Variants in MEI1 observed in about 807,000 individuals in gnomAD.
MEI1 encodes meiosis inhibitor protein 1.
In MEI1, 103 loss-of-function variants were observed where a neutral mutation model predicts 146.2. That is an observed-to-expected ratio of 0.70 (90% confidence interval 0.60 to 0.83). The LOEUF is 0.83. Among genes scored for constraint, MEI1 ranks in the 40% least tolerant of loss-of-function variants. MEI1 has a pLI of 0.00. For synonymous variants in MEI1, 652 were observed against 628.2 expected (o/e 1.04, Z -0.57); for missense variants, 1,529 against 1,533.0 (o/e 1.00, Z 0.04).
At chr22:41,714,858 G>A (rs1007565261) in intron 4 of MEI1, among the ~76,000 whole-genome samples, 20 of 151,904 alleles carry the variant, frequency 1.3e-4, no homozygotes, top group Admixed American at 1.1e-3. Context: ...CCCAGCCTGG[G>A]TGACAAAGCA....
chr22:41,779,652 TTAGA>T (rs1193742599), intron 22 of MEI1, among the ~76,000 whole-genome samples: 1 of 152,168 alleles, frequency 6.6e-6, no homozygotes, highest in Non-Finnish European at 1.5e-5. Context: ...ACTTATCTAG[TTAGA>T]TAGAGAATGT....
At chr22:41,711,212 G>T (rs2069530398) in intron 3 of MEI1, among the ~76,000 whole-genome samples, 1 of 150,864 alleles carries the variant, frequency 6.6e-6, no homozygotes, top group African/African-American at 2.4e-5. Context: ...TCACTCTGTT[G>T]CCCAGGCTGG....
chr22:41,707,205 T>G (rs921485923), intron 3 of MEI1, among the ~76,000 whole-genome samples: 4 of 151,920 alleles, frequency 2.6e-5, no homozygotes, highest in African/African-American at 9.7e-5. Context: ...CCTGTCTCAA[T>G]TAAAAAAATA....
intron 12 of MEI1, 76 bp from the exon 13 acceptor site, chr22:41,744,897 C>G (rs2073172177): frequency 4.7e-6 from 4 of 842,518 alleles, no homozygotes; most frequent in Admixed American, 3.4e-5. Context: ...AAGAAGAGGT[C>G]TACAGTCATC....
chr22:41,774,485 T>G (rs543003175), intron 20 of MEI1: 1 of 152,298 alleles, frequency 6.6e-6, no homozygotes, highest in Admixed American at 6.5e-5. Flanking sequence ...AGCCTCATAC[T>G]CTGTAAAGTA....
rs534349016 is a variant in MEI1 at position 41,752,687 on chromosome 22, G to A, written c.1853+36G>A. On this transcript the variant is annotated intron_variant, in intron 16 of 30. Transcript: ENST00000401548. ...TCCCAGGCAAGATTGAGTGGCCAAG[G>A]GGCCAATGTCCCTCTTGATGGGACA... 108 of 1,551,456 alleles carry A rather than the reference G, an allele frequency of 7.0e-5. 1 individual carries two copies. The highest frequency in any genetic ancestry group is 6.2e-4 in the South Asian group (53 of 84,882).
At chr22:41,703,908 C>T (rs919266688) in intron 2 of MEI1, among the ~76,000 whole-genome samples, 1 of 152,150 alleles carries the variant, frequency 6.6e-6, no homozygotes, top group African/African-American at 2.4e-5. Flanking sequence ...ATTGCTTGAA[C>T]CCTGGAGGTG....
chr22:41,701,579 G>T (rs976936133), intron 1 of MEI1, among the ~76,000 whole-genome samples: 1 of 152,172 alleles, frequency 6.6e-6, no homozygotes, highest in African/African-American at 2.4e-5. Flanking sequence ...CTGGGAACTC[G>T]TAAACTAGCT....
At chr22:41,764,121 C>T (rs975806428) in intron 19 of MEI1, among the ~76,000 whole-genome samples, 4 of 152,012 alleles carry the variant, frequency 2.6e-5, no homozygotes, top group South Asian at 2.1e-4. Flanking sequence ...CCACCACACC[C>T]GGCTAATTTT....
rs970361437 is a variant in MEI1 at position 41,718,342 on chromosome 22, T to C, written c.733+68T>C. On this transcript the variant is annotated intron_variant, in intron 6 of 30. Transcript: ENST00000401548. Reference sequence around the variant, plus strand: ...ACATTTTGCTAGAAGACTTGAGATATTGGGTTCTCTAGTAGTGGGGAAGTT... The same window carrying C: ...ACATTTTGCTAGAAGACTTGAGATACTGGGTTCTCTAGTAGTGGGGAAGTT... 2.7e-5 allele frequency: 40 copies of C among 1,481,484 alleles called. No individual in the cohort carries two copies. In the Middle Eastern group the frequency reaches 5.3e-4, roughly 20 times the overall value. 91.8% of individuals were successfully genotyped at this position (1,481,484 alleles called of 1,614,324 possible).
intron 18 of MEI1, 86 bp from the exon 19 acceptor site, chr22:41,763,088 T>C: frequency 6.7e-7 from 1 of 1,482,624 alleles, no homozygotes. Flanking sequence ...GACAGTGGGC[T>C]GAGGAAGGAT....
At chr22:41,700,749 ATTTTTTTTTTTT>A (rs78862314) in intron 1 of MEI1, among the ~76,000 whole-genome samples, 5,468 of 117,650 alleles carry the variant, frequency 0.046, 547 homozygotes, top group Admixed American at 0.25. Flanking sequence ...GCAGTTCTCA[ATTTTTTTTTTTT>A]TTTTTTTTTT....
At chr22:41,758,656 G>T in intron 18 of MEI1, 123 bp downstream of exon 18, 2 of 1,003,896 alleles carry the variant, frequency 2.0e-6, no homozygotes. Context: ...GGATAAGTAA[G>T]AAATGGGTTG....
chr22:41,745,211 G>A (rs761312929), intron 13 of MEI1, 147 bp downstream of exon 13: 81 of 536,928 alleles, frequency 1.5e-4, no homozygotes, highest in Non-Finnish European at 2.1e-4. Context: ...AGGGGTTGGG[G>A]GTGTGTGGAG....
chr22:41,774,931 C>G (rs17377987), intron 20 of MEI1, among the ~76,000 whole-genome samples: 6,139 of 152,242 alleles, frequency 0.04, 171 homozygotes, highest in Non-Finnish European at 0.062. Context: ...GTGATCAGCA[C>G]ACCTGGGTTT....
intron 24 of MEI1, among the ~76,000 whole-genome samples, chr22:41,782,531 G>A (rs1206354636): frequency 6.6e-6 from 1 of 152,192 alleles, no homozygotes; most frequent in Non-Finnish European, 1.5e-5. Flanking sequence ...GAGCTCCTCT[G>A]TGGGCTACTT....
At chr22:41,716,834 C>T (rs2070249598) in intron 5 of MEI1, among the ~76,000 whole-genome samples, 2 of 151,860 alleles carry the variant, frequency 1.3e-5, no homozygotes, top group African/African-American at 4.8e-5. Context: ...GGACTACAGG[C>T]GCCTGCCACC....
chr22:41,709,090 A>C (rs1159269669), intron 3 of MEI1: 2 of 574,332 alleles, frequency 3.5e-6, no homozygotes, highest in Admixed American at 5.1e-5. Context: ...CCAAAATATA[A>C]CAGTGAAGTG....
At chr22:41,761,866 ATCATACAGTG>A (rs2074517050) in intron 18 of MEI1, among the ~76,000 whole-genome samples, 1 of 152,214 alleles carries the variant, frequency 6.6e-6, no homozygotes, top group South Asian at 2.1e-4. Flanking sequence ...CATAGATGGA[ATCATACAGTG>A]TGTGACTTTT....
Sources: gnomAD v4.1 joint callset for allele counts (sites outside exome capture counted in the v4.1 genomes callset) on GRCh38, gnomAD v4.1.1 for gene constraint, MANE v1.5 for transcripts, NCBI Gene and HGNC (gene_info 2026-07-23, HGNC 2026-07-21) for gene names.